EPM2A: variants seen among roughly 807,000 people sequenced by gnomAD.
The protein encoded by EPM2A is laforin.
In EPM2A, 21 loss-of-function variants were observed where a neutral mutation model predicts 26.5. That is an observed-to-expected ratio of 0.79 (90% CI 0.56 to 1.14). The LOEUF is 1.14. Ranked by LOEUF, EPM2A falls within the 50% of genes most tolerant of loss-of-function variation. The pLI is 0.00. For missense variants in EPM2A, 458 were observed against 440.8 expected (o/e 1.04, Z -0.35); for synonymous variants, 217 against 177.6 (o/e 1.22, Z -1.76).
chr6:145,496,904 A>G (rs1475436435), downstream of EPM2A, among the ~76,000 whole-genome samples: 1 of 151,870 alleles, frequency 6.6e-6, no homozygotes, highest in African/African-American at 2.4e-5. Flanking sequence ...CGCCCGGCTA[A>G]TTTTTTGTAT....
intron 2 of EPM2A, among the ~76,000 whole-genome samples, chr6:145,576,157 C>T (rs181296686): frequency 6.6e-6 from 1 of 152,292 alleles, no homozygotes; most frequent in African/African-American, 2.4e-5. Flanking sequence ...CTTATCTTTA[C>T]CACCCCACAA....
At chr6:145,479,647 T>G (rs1779588897) in intron 4 of EPM2A, among the ~76,000 whole-genome samples, 3 of 152,204 alleles carry the variant, frequency 2.0e-5, no homozygotes, top group Non-Finnish European at 2.9e-5. Flanking sequence ...TTTGTTTACC[T>G]TTTCATAAGT....
intron 2 of EPM2A, among the ~76,000 whole-genome samples, chr6:145,518,522 C>A (rs1780159833): frequency 7.1e-6 from 1 of 141,224 alleles, no homozygotes; most frequent in South Asian, 2.2e-4. Flanking sequence ...TTTCCTGTCT[C>A]TTTGAAATTT....
At chr6:145,461,337 TG>T (rs1779327004) in intron 4 of EPM2A, among the ~76,000 whole-genome samples, 1 of 152,146 alleles carries the variant, frequency 6.6e-6, no homozygotes, top group Non-Finnish European at 1.5e-5. Context: ...GATTGGAGAA[TG>T]TATGTGCATA....
chr6:145,570,674 T>C (rs1465262830), intron 2 of EPM2A, among the ~76,000 whole-genome samples: 1 of 152,194 alleles, frequency 6.6e-6, no homozygotes, highest in Non-Finnish European at 1.5e-5. Flanking sequence ...CAGCAGGTCA[T>C]AGTTTCTTTC....
At chr6:145,410,013 C>T (rs1419978716) in intron 4 of EPM2A, among the ~76,000 whole-genome samples, 1 of 152,170 alleles carries the variant, frequency 6.6e-6, no homozygotes, top group South Asian at 2.1e-4. Flanking sequence ...TTCTGCCACA[C>T]TCTATTGGCC....
At chr6:145,465,231 C>G (rs1278338068) in intron 4 of EPM2A, among the ~76,000 whole-genome samples, 1 of 151,960 alleles carries the variant, frequency 6.6e-6, no homozygotes, top group Non-Finnish European at 1.5e-5. Flanking sequence ...CATCTTCCAT[C>G]GCTGATACCC....
intron 4 of EPM2A, among the ~76,000 whole-genome samples, chr6:145,415,478 T>C (rs1164017820): frequency 9.2e-5 from 14 of 152,222 alleles, no homozygotes. Flanking sequence ...AATTTAGATT[T>C]TGCACATATT....
At chr6:145,699,065 T>C (rs1488011862) in intron 1 of EPM2A, among the ~76,000 whole-genome samples, 1 of 152,188 alleles carries the variant, frequency 6.6e-6, no homozygotes, top group Non-Finnish European at 1.5e-5. Flanking sequence ...AGCAGACTAA[T>C]ACACTCATAT....
At position 145,533,761 on chromosome 6, in the gene EPM2A, C is replaced by G. The variant is rs967015927; in HGVS notation, c.341-31186G>C. ...CCAGTAGATCCCTCCACCTCTCCCC[C>G]ACCAATCACTTTCTGTCAAGCCCAC... On this transcript the variant is annotated intron_variant, in intron 2 of 3. Coordinates refer to the EPM2A transcript ENST00000450221. 4.6e-5 allele frequency among the ~76,000 whole-genome samples: 7 copies of G among 152,280 alleles called. No homozygotes were observed. In the South Asian group the frequency reaches 8.3e-4, roughly 18 times the overall value.
chr6:145,727,564 T>C (rs1776274189), intron 1 of EPM2A, among the ~76,000 whole-genome samples: 1 of 152,034 alleles, frequency 6.6e-6, no homozygotes, highest in Non-Finnish European at 1.5e-5. Context: ...CAATATTTAC[T>C]GAGCAGCTAC....
At position 145,484,930 on chromosome 6, in the gene EPM2A, T is replaced by G. The variant is rs144112748; in HGVS notation, c.555+17592A>C. On this transcript the variant is annotated intron_variant, in intron 4 of 4. Transcript: ENST00000638717. ...ATGGCATAAGAGTTTCTGGTTTTTATTTTTATTGTTTTTGTTTTATTTTGG... is the reference window on the plus strand; with the variant it reads ...ATGGCATAAGAGTTTCTGGTTTTTAGTTTTATTGTTTTTGTTTTATTTTGG... Among the ~76,000 whole-genome samples, 256 of 150,940 alleles carry G rather than the reference T, an allele frequency of 1.7e-3. 7 individuals are homozygous for G. The East Asian group carries it at 0.042, about 25-fold the overall frequency.
At chr6:145,695,462 G>A (rs1007319075) in intron 1 of EPM2A, among the ~76,000 whole-genome samples, 4 of 151,870 alleles carry the variant, frequency 2.6e-5, no homozygotes, top group African/African-American at 9.7e-5. Context: ...TACCTTGAGT[G>A]GAAATGGATT....
At chr6:145,406,012 AC>A (rs1778563701) in intron 4 of EPM2A, among the ~76,000 whole-genome samples, 1 of 149,506 alleles carries the variant, frequency 6.7e-6, no homozygotes, top group Non-Finnish European at 1.5e-5. Context: ...ACACACACAC[AC>A]AACAGACAGA....
At chr6:145,604,910 G>A (rs1775194165) in intron 2 of EPM2A, among the ~76,000 whole-genome samples, 1 of 152,072 alleles carries the variant, frequency 6.6e-6, no homozygotes, top group South Asian at 2.1e-4. Flanking sequence ...AAACAATTGT[G>A]AGAGTGAAAA....
intron 2 of EPM2A, among the ~76,000 whole-genome samples, chr6:145,643,775 A>G (rs960492062): frequency 2.0e-5 from 3 of 152,202 alleles, no homozygotes; most frequent in Non-Finnish European, 4.4e-5. Context: ...ATTTGTTGAA[A>G]TACAAGGAAT....
chr6:145,596,841 T>C (rs548099182), intron 2 of EPM2A, among the ~76,000 whole-genome samples: 2 of 151,544 alleles, frequency 1.3e-5, no homozygotes, highest in South Asian at 4.2e-4. Flanking sequence ...TCCTACTCTT[T>C]ACTTTCTTCT....
chr6:145,541,199 G>A, intron 2 of EPM2A, among the ~76,000 whole-genome samples: 1 of 150,984 alleles, frequency 6.6e-6, no homozygotes, highest in Non-Finnish European at 1.5e-5. Context: ...GTGTGTGTGT[G>A]TGTGTGTGTG....
chr6:145,463,606 TG>T (rs1322812088), intron 4 of EPM2A, among the ~76,000 whole-genome samples: 1 of 152,122 alleles, frequency 6.6e-6, no homozygotes, highest in Non-Finnish European at 1.5e-5. Flanking sequence ...GGCATATACA[TG>T]ACTGGTATAT....
Sources: allele counts gnomAD v4.1 joint callset (sites outside exome capture counted in the v4.1 genomes callset), GRCh38; gene constraint gnomAD v4.1.1; transcripts MANE v1.5; gene names NCBI Gene and HGNC (gene_info 2026-07-23, HGNC 2026-07-21).